Variants in ZNF423 observed in about 807,000 individuals in gnomAD.
ZNF423 encodes the protein zinc finger protein 423, also known as Ebf-associated zinc finger protein.
ZNF423 carries 12 observed loss-of-function variants against 95.8 expected under a neutral mutation model. The ratio of observed to expected loss-of-function variants is 0.13; its 90% CI spans 0.08 to 0.20. The LOEUF is 0.20. Ranked by LOEUF, ZNF423 falls within the 10% of genes least tolerant of loss-of-function variation. ZNF423 has a pLI of 1.00. For missense variants in ZNF423, 1,316 were observed against 1,737.1 expected (o/e 0.76, Z 4.31); for synonymous variants, 749 against 711.9 (o/e 1.05, Z -0.83).
chr16:49,680,863 TA>T (rs2031323646), intron 3 of ZNF423, among the ~76,000 whole-genome samples: 4 of 152,130 alleles, frequency 2.6e-5, no homozygotes, highest in Non-Finnish European at 4.4e-5. Flanking sequence ...ATGAGCAATA[TA>T]GTCAGGCAGA....
At chr16:49,519,177 C>T (rs1265408845) in intron 7 of ZNF423, among the ~76,000 whole-genome samples, 3 of 152,290 alleles carry the variant, frequency 2.0e-5, no homozygotes, top group Admixed American at 6.5e-5. Flanking sequence ...CATCTGTTAC[C>T]CATCCTCCAA....
intron 1 of ZNF423, among the ~76,000 whole-genome samples, chr16:49,852,702 G>A (rs1213947534): frequency 2.0e-5 from 3 of 151,916 alleles, no homozygotes; most frequent in Admixed American, 2.0e-4. Flanking sequence ...CCCGGCTTTA[G>A]GGTTGTTTTT....
chr16:49,811,324 G>A (rs2034748678), intron 1 of ZNF423, among the ~76,000 whole-genome samples: 2 of 152,110 alleles, frequency 1.3e-5, no homozygotes, highest in Non-Finnish European at 2.9e-5. Flanking sequence ...GCTAGGAGAG[G>A]AGTTAGAGTT....
At chr16:49,662,319 T>C (rs997325593) in intron 3 of ZNF423, among the ~76,000 whole-genome samples, 1 of 152,072 alleles carries the variant, frequency 6.6e-6, no homozygotes. Context: ...CAGGAAGAAA[T>C]GATCTCCTGA....
intron 3 of ZNF423, among the ~76,000 whole-genome samples, chr16:49,643,921 C>A (rs551932919): frequency 6.6e-6 from 1 of 152,206 alleles, no homozygotes; most frequent in African/African-American, 2.4e-5. Context: ...GATTCCCAAG[C>A]TCATGTGGTC....
intron 5 of ZNF423, among the ~76,000 whole-genome samples, chr16:49,586,332 T>C (rs969938890): frequency 1.3e-5 from 2 of 152,122 alleles, no homozygotes; most frequent in Admixed American, 6.5e-5. Flanking sequence ...ACTGGGCCAT[T>C]CCCAGTGTAT....
At chr16:49,587,385 C>G (rs1596678562) in intron 5 of ZNF423, among the ~76,000 whole-genome samples, 1 of 152,178 alleles carries the variant, frequency 6.6e-6, no homozygotes, top group Non-Finnish European at 1.5e-5. Context: ...TGCCACAGAC[C>G]TGGATCAGAG....
chr16:49,694,807 A>G (rs1342191245), intron 3 of ZNF423, among the ~76,000 whole-genome samples: 1 of 152,246 alleles, frequency 6.6e-6, no homozygotes, highest in Non-Finnish European at 1.5e-5. Flanking sequence ...ATCTTGAGGT[A>G]GGGTAGGGAG....
intron 2 of ZNF423, among the ~76,000 whole-genome samples, chr16:49,774,067 C>A (rs1278720067): frequency 2.6e-5 from 4 of 152,222 alleles, no homozygotes; most frequent in Non-Finnish European, 5.9e-5. Flanking sequence ...GCAGCTATGG[C>A]CCTATCTGAG....
chr16:49,616,918 C>T (rs1053170695), intron 5 of ZNF423, among the ~76,000 whole-genome samples: 2 of 152,300 alleles, frequency 1.3e-5, no homozygotes, highest in African/African-American at 4.8e-5. Flanking sequence ...AGAATTTATT[C>T]AGAACTTAAC....
chr16:49,703,609 C>G (rs911105055), intron 3 of ZNF423, among the ~76,000 whole-genome samples: 2 of 152,246 alleles, frequency 1.3e-5, no homozygotes, highest in African/African-American at 4.8e-5. Flanking sequence ...CCCAAGGCCC[C>G]TCACAGACTT....
chr16:49,623,933 C>G (rs959049161), intron 5 of ZNF423, among the ~76,000 whole-genome samples: 1 of 152,178 alleles, frequency 6.6e-6, no homozygotes, highest in Non-Finnish European at 1.5e-5. Context: ...TAAAGAAGGG[C>G]CTTTGCAATG....
chr16:49,713,773 C>T (rs753203916), intron 3 of ZNF423, among the ~76,000 whole-genome samples: 2 of 152,130 alleles, frequency 1.3e-5, no homozygotes, highest in Non-Finnish European at 2.9e-5. Flanking sequence ...AAAAGGCATT[C>T]GAGGAAGCAG....
At chr16:49,594,141 C>A (rs1971108368) in intron 5 of ZNF423, among the ~76,000 whole-genome samples, 1 of 152,148 alleles carries the variant, frequency 6.6e-6, no homozygotes, top group Non-Finnish European at 1.5e-5. Flanking sequence ...GGGGACATAT[C>A]TGGATTAAGA....
rs370716512 is a variant in ZNF423, at chr16:49,713,381, C to T, written c.301+17390G>A. On this transcript the variant is annotated intron_variant, in intron 3 of 7. Coordinates refer to ENST00000563137, the MANE Select transcript of ZNF423 (RefSeq NM_001379286.1). ...TATTTGCCACTGTCCCCTCTAGATC[C>T]GCCCCCACCTTGGTCCATTCCTGCT... Among the ~76,000 whole-genome samples the T allele has an allele frequency of 2.1e-3, 327 of 152,318 alleles. 4 individuals are homozygous for T. The South Asian group carries it at 0.038, about 18-fold the overall frequency.
At chr16:49,666,681 C>A (rs538503292) in intron 3 of ZNF423, among the ~76,000 whole-genome samples, 2 of 152,316 alleles carry the variant, frequency 1.3e-5, no homozygotes, top group South Asian at 4.1e-4. Flanking sequence ...CAAGCTCCTG[C>A]CTAACAGCTG....
chr16:49,737,646 G>A (rs1000023193), intron 2 of ZNF423, among the ~76,000 whole-genome samples: 3 of 152,226 alleles, frequency 2.0e-5, no homozygotes, highest in Admixed American at 1.3e-4. Flanking sequence ...TGGGTCCACT[G>A]CCAGGAAAAG....
rs2035348876 is a variant in ZNF423, at chr16:49,855,242, A to C, written c.40+493T>G. 6.7e-6 allele frequency among the ~76,000 whole-genome samples: 1 copy of C among 148,264 alleles called. No homozygotes were observed. Among genetic ancestry groups the C allele is most frequent in the African/African-American group, 2.5e-5 (1 of 40,810 alleles). On this transcript the variant is annotated intron_variant, in intron 1 of 7. Transcript: ENST00000563137. The surrounding 1 kb of genome is among the most constrained non-coding windows in gnomAD (Gnocchi z 4.7). ...CCTCGGGCGACCAGGCAGGGGCCAG[A>C]GAGAGCCAGCGAGGCCCGGGGCCAG...
chr16:49,526,060 G>A (rs986508606), intron 5 of ZNF423, among the ~76,000 whole-genome samples: 1 of 152,106 alleles, frequency 6.6e-6, no homozygotes, highest in Non-Finnish European at 1.5e-5. Context: ...CTAGGAGAGG[G>A]GTGGGGGCAG....
Sources: gnomAD v4.1 joint callset for allele counts (sites outside exome capture counted in the v4.1 genomes callset) on GRCh38, gnomAD v4.1.1 for gene constraint, Gnocchi (gnomAD v3.1) non-coding constraint, MANE v1.5 for transcripts, NCBI Gene and HGNC (gene_info 2026-07-23, HGNC 2026-07-21) for gene names.